The following SCAP variants were observed in gnomAD, a reference collection of about 807,000 sequenced individuals.
The protein encoded by SCAP is SREBF chaperone, also known as sterol regulatory element-binding protein cleavage-activating protein.
Under a neutral mutation model 123.6 loss-of-function variants are expected in SCAP, and 65 were observed. That is an observed-to-expected ratio of 0.53 (90% CI 0.43 to 0.65). The LOEUF (loss-of-function observed/expected upper bound fraction) is 0.65, where lower values mean the gene tolerates loss of function less well. Among genes scored for constraint, SCAP ranks in the 30% least tolerant of loss-of-function variants. The probability of loss-of-function intolerance (pLI) is 0.00; values close to 1 mark genes in which losing one functional copy is unlikely to be tolerated. For synonymous variants in SCAP, 740 were observed against 726.3 expected, an observed-to-expected ratio of 1.02 and a Z score of -0.30; for missense variants, 1,398 against 1,712.5, an observed-to-expected ratio of 0.82 and a Z score of 3.24.
rs1429576639 is a variant in SCAP at position 47,420,342 on chromosome 3, T to C, written c.1563+212A>G. ...GGATGGCTCCTGTACCTGAGAACCC[T>C]GGAGCTGCTTCTCCCACAGGCTTAT... On this transcript the variant is annotated intron_variant, in intron 12 of 22. Transcript: ENST00000265565. This position sits in a 1 kb window ranked among gnomAD's most constrained non-coding sequence, Gnocchi z 5.0. Among the ~76,000 whole-genome samples the C allele has an allele frequency of 6.6e-6, 1 of 152,160 alleles. No individual in the cohort carries two copies. The highest frequency in any genetic ancestry group is 1.5e-5 in the Non-Finnish European group (1 of 68,018).
chr3:47,431,450 C>T (rs76790199), intron 3 of SCAP, among the ~76,000 whole-genome samples: 1,795 of 151,712 alleles, frequency 0.012, 27 homozygotes, highest in South Asian at 0.049. Context: ...TGCCTAATGT[C>T]CTTTTTCTTT....
Sources: gnomAD v4.1 joint callset for allele counts (sites outside exome capture counted in the v4.1 genomes callset) on GRCh38, gnomAD v4.1.1 for gene constraint, Gnocchi (gnomAD v3.1) non-coding constraint, MANE v1.5 for transcripts, NCBI Gene and HGNC (gene_info 2026-07-23, HGNC 2026-07-21) for gene names.